ADAMTS17: variants seen among roughly 807,000 people sequenced by gnomAD.
ADAMTS17 encodes the protein A disintegrin and metalloproteinase with thrombospondin motifs 17.
ADAMTS17 carries 113 observed loss-of-function variants against 141.5 expected under a neutral mutation model. That is an observed-to-expected ratio of 0.80 (90% CI 0.69 to 0.93). The LOEUF (loss-of-function observed/expected upper bound fraction) is 0.93, where lower values mean the gene tolerates loss of function less well. ADAMTS17 is among the 40% of genes least tolerant of loss of function. ADAMTS17 has a pLI of 0.00. For synonymous variants in ADAMTS17, 768 were observed against 630.6 expected, an observed-to-expected ratio of 1.22 and a Z score of -3.27; for missense variants, 1,659 against 1,517.9, an observed-to-expected ratio of 1.09 and a Z score of -1.54.
intron 8 of ADAMTS17, among the ~76,000 whole-genome samples, chr15:100,177,578 G>A (rs1457950415): frequency 6.6e-6 from 1 of 152,124 alleles, no homozygotes; most frequent in African/African-American, 2.4e-5. Flanking sequence ...AGTCTATAAT[G>A]CTGAATGTTC....
intron 7 of ADAMTS17, among the ~76,000 whole-genome samples, chr15:100,219,404 T>C (rs976856367): frequency 3.3e-5 from 5 of 152,182 alleles, no homozygotes; most frequent in Non-Finnish European, 7.3e-5. Flanking sequence ...AAGGTCAAAA[T>C]TTTCCTAAAA....
At chr15:100,082,123 C>T (rs1009773588) in intron 15 of ADAMTS17, among the ~76,000 whole-genome samples, 13 of 151,410 alleles carry the variant, frequency 8.6e-5, no homozygotes, top group African/African-American at 2.9e-4. Context: ...TGGAGTGCAG[C>T]GGTGCAATCT....
intron 7 of ADAMTS17, among the ~76,000 whole-genome samples, chr15:100,247,787 C>A (rs970180016): frequency 6.6e-6 from 1 of 152,114 alleles, no homozygotes; most frequent in Non-Finnish European, 1.5e-5. Context: ...TTCCCCAGCT[C>A]CTCTTGGTTT....
rs146078462 is a variant in ADAMTS17, at chr15:100,013,172, T to A, written c.2592-15583A>T. Among the ~76,000 whole-genome samples the A allele has an allele frequency of 1.6e-3, 251 of 152,338 alleles. 1 individual carries two copies. Among genetic ancestry groups the A allele is most frequent in the African/African-American group, 5.7e-3 (237 of 41,576 alleles). Reference sequence around the variant, plus strand: ...TTGTAAAAGGGGATGAGTTCTTGATTTGATTCTCTGCTTGGTCGCTTTTGG... The same window carrying A: ...TTGTAAAAGGGGATGAGTTCTTGATATGATTCTCTGCTTGGTCGCTTTTGG... On this transcript the variant is annotated intron_variant, in intron 18 of 21. Transcript: ENST00000268070.
chr15:100,133,653 C>T (rs556250905), intron 10 of ADAMTS17, among the ~76,000 whole-genome samples: 45 of 152,246 alleles, frequency 3.0e-4, no homozygotes, highest in Non-Finnish European at 6.0e-4. Flanking sequence ...AGCAAACAGA[C>T]ATCTTCCATT....
intron 6 of ADAMTS17, among the ~76,000 whole-genome samples, chr15:100,260,652 A>T (rs1268876214): frequency 6.6e-6 from 1 of 152,018 alleles, no homozygotes; most frequent in Non-Finnish European, 1.5e-5. Flanking sequence ...ACAAAACAAA[A>T]CAAAAAACCT....
intron 18 of ADAMTS17, among the ~76,000 whole-genome samples, chr15:100,009,749 C>T (rs1007419315): frequency 3.3e-5 from 5 of 152,204 alleles, no homozygotes; most frequent in Non-Finnish European, 5.9e-5. Context: ...TGTGGACGGT[C>T]CGAACCAAAA....
intron 3 of ADAMTS17, among the ~76,000 whole-genome samples, chr15:100,302,421 G>A (rs932318676): frequency 1.3e-5 from 2 of 152,162 alleles, no homozygotes; most frequent in Non-Finnish European, 2.9e-5. Context: ...TTTTGGATAT[G>A]TATGAGGTGG....
intron 4 of ADAMTS17, among the ~76,000 whole-genome samples, chr15:100,263,736 G>C (rs755533656): frequency 6.6e-6 from 1 of 152,252 alleles, no homozygotes; most frequent in East Asian, 1.9e-4. Flanking sequence ...GAGGGAACAA[G>C]AATGAGAATC....
At chr15:100,216,530 A>G (rs950788268) in intron 7 of ADAMTS17, among the ~76,000 whole-genome samples, 3 of 152,216 alleles carry the variant, frequency 2.0e-5, no homozygotes, top group Non-Finnish European at 4.4e-5. Flanking sequence ...CCACGACAAG[A>G]TACCAGCGTA....
At chr15:100,243,010 T>C (rs1490401053) in intron 7 of ADAMTS17, among the ~76,000 whole-genome samples, 1 of 152,198 alleles carries the variant, frequency 6.6e-6, no homozygotes, top group East Asian at 1.9e-4. Context: ...TCCTGGCAAC[T>C]GCCATCCTGC....
rs776365513 is a variant in ADAMTS17 at position 100,341,031 on chromosome 15, G to A, written c.450+8C>T. On this transcript the variant is annotated splice_region_variant and intron_variant, in intron 2 of 21. Transcript: ENST00000268070. ...GACGGGCCGACCCGGAGGTGGCGCG[G>A]GCAGTACCAGGCCGCCGGCGGCGCC... 1 of 1,523,668 alleles carries A rather than the reference G, an allele frequency of 6.6e-7. No individual in the cohort carries two copies. The highest frequency in any genetic ancestry group is 2.5e-5 in the East Asian group (1 of 40,120). The allele number at this position is 1,523,668 out of a possible 1,614,324, so 94.4% of individuals were successfully genotyped here. A position where few individuals can be genotyped will look rare whatever the true frequency, so the allele number is the denominator to read the frequency against.
chr15:100,334,689 G>A (rs2046155881), intron 2 of ADAMTS17, among the ~76,000 whole-genome samples: 1 of 152,164 alleles, frequency 6.6e-6, no homozygotes, highest in African/African-American at 2.4e-5. Flanking sequence ...CCCTTCTGAG[G>A]CACCACCTGG....
At chr15:100,321,561 G>A (rs35499037) in intron 3 of ADAMTS17, among the ~76,000 whole-genome samples, 14,492 of 152,182 alleles carry the variant, frequency 0.095, 1,044 homozygotes, top group East Asian at 0.41. Context: ...CAATACTAAC[G>A]TTAGCTGAAA....
At chr15:100,335,725 C>T (rs531506377) in intron 2 of ADAMTS17, among the ~76,000 whole-genome samples, 3 of 152,236 alleles carry the variant, frequency 2.0e-5, no homozygotes, top group Non-Finnish European at 4.4e-5. Context: ...TAAATGATTT[C>T]ACAGACTTTA....
In ADAMTS17 at chr15:99,971,833, G is replaced by C. The variant is rs940789616; in HGVS notation, c.*2569C>G. The C allele has an allele frequency of 2.0e-5, 3 of 152,216 alleles. No individual in the cohort carries two copies. Among genetic ancestry groups the C allele is most frequent in the Non-Finnish European group, 2.9e-5 (2 of 68,058 alleles). 9.4% of individuals were successfully genotyped at this position (152,216 alleles called of 1,614,324 possible). On this transcript the variant is annotated 3_prime_UTR_variant, in exon 22 of 22. Transcript: ENST00000268070. ...ACAAAGGTACAGTACTCGAGGGACAGTACAGGGTATTAACACAGAAACATC... is the reference window on the plus strand; with the variant it reads ...ACAAAGGTACAGTACTCGAGGGACACTACAGGGTATTAACACAGAAACATC...
At chr15:100,078,462 A>G (rs959802977) in intron 15 of ADAMTS17, among the ~76,000 whole-genome samples, 3 of 152,214 alleles carry the variant, frequency 2.0e-5, no homozygotes, top group African/African-American at 7.2e-5. Flanking sequence ...AAGAATATTC[A>G]TCGGGGAAAG....
chr15:100,335,614 C>A (rs191178201), intron 2 of ADAMTS17, among the ~76,000 whole-genome samples: 56 of 152,344 alleles, frequency 3.7e-4, no homozygotes, highest in African/African-American at 1.3e-3. Context: ...CAGGCAACAG[C>A]GATGACTGAT....
chr15:100,067,893 C>T (rs925009149), intron 15 of ADAMTS17, among the ~76,000 whole-genome samples: 11 of 152,066 alleles, frequency 7.2e-5, no homozygotes, highest in South Asian at 4.1e-4. Context: ...TGGGGAGTGT[C>T]GGAAAGTGGG....
Sources: allele counts gnomAD v4.1 joint callset (sites outside exome capture counted in the v4.1 genomes callset), GRCh38; gene constraint gnomAD v4.1.1; transcripts MANE v1.5; gene names NCBI Gene and HGNC (gene_info 2026-07-23, HGNC 2026-07-21).